GIPC3: variants seen among roughly 807,000 people sequenced by gnomAD.
The protein encoded by GIPC3 is PDZ domain-containing protein GIPC3.
Under a neutral mutation model 27.3 loss-of-function variants are expected in GIPC3, and 16 were observed. That is an observed-to-expected ratio of 0.59 (90% confidence interval 0.40 to 0.89). GIPC3 has a LOEUF of 0.89. Among genes scored for constraint, GIPC3 ranks in the 40% least tolerant of loss-of-function variants. GIPC3 has a pLI of 0.00. For synonymous variants in GIPC3, 194 were observed against 184.6 expected (o/e 1.05, Z -0.41); for missense variants, 440 against 442.1 (o/e 1.00, Z 0.04).
chr19:3,586,010 C>T (rs373725330), intron 1 of GIPC3, among the ~76,000 whole-genome samples, 188 bp downstream of exon 1: 50 of 152,186 alleles, frequency 3.3e-4, no homozygotes, highest in African/African-American at 1.1e-3. Context: ...CCCCTTTGCA[C>T]GCTCTGCGCA....
intron 2 of GIPC3, 31 bp from the exon 3 acceptor site, chr19:3,586,783 T>G (rs887498875): frequency 6.2e-7 from 1 of 1,610,944 alleles, no homozygotes; most frequent in South Asian, 1.1e-5. Context: ...GTGGCTGGGG[T>G]TGCCCTGCCA....
intron 2 of GIPC3, 51 bp downstream of exon 2, chr19:3,586,731 C>T: frequency 6.2e-7 from 1 of 1,610,084 alleles, no homozygotes; most frequent in Non-Finnish European, 8.5e-7. Context: ...GCAACTGCCC[C>T]CCCCACTCTG....
At chr19:3,588,721 C>T (rs975421074) in intron 3 of GIPC3, among the ~76,000 whole-genome samples, 6 of 150,974 alleles carry the variant, frequency 4.0e-5, no homozygotes, top group Non-Finnish European at 8.8e-5. Flanking sequence ...AAGGCGGGTG[C>T]ATCACGAGGT....
At chr19:3,587,745 C>CA (rs1043774992) in intron 3 of GIPC3, among the ~76,000 whole-genome samples, 1 of 127,494 alleles carries the variant, frequency 7.8e-6, no homozygotes, top group African/African-American at 2.9e-5. Flanking sequence ...GACTGCAGTG[C>CA]AGTGGCTAGA....
chr19:3,588,640 C>CAAAAAAAAAAA (rs969668918), intron 3 of GIPC3, among the ~76,000 whole-genome samples: 1 of 73,992 alleles, frequency 1.4e-5, no homozygotes, highest in African/African-American at 4.6e-5. Flanking sequence ...TCCATCGTAT[C>CAAAAAAAAAAA]AAAAAAAAAA....
Position 3,590,624 on chromosome 19 carries a change from GCCC to G in GIPC3, c.*435_*437del, listed in dbSNP as rs1267780307. ...GAACTCAGATGGGCTCTGAGACCAT[GCCC>G]AGCTCTAGAACTCAGATGGGCTCTG... On this transcript the variant is annotated 3_prime_UTR_variant, in exon 6 of 6. Transcript: ENST00000644452. 7,786 of 1,274,024 alleles carry G rather than the reference GCCC, an allele frequency of 6.1e-3. 139 individuals are homozygous for G. Among genetic ancestry groups the G allele is most frequent in the Admixed American group, 0.01 (271 of 26,868 alleles). The allele number at this position is 1,274,024 out of a possible 1,614,324, so 78.9% of individuals were successfully genotyped here.
Position 3,592,173 on chromosome 19 carries a change from T to C in GIPC3, c.*1983T>C, listed in dbSNP as rs8105780. 775,868 of 1,231,906 alleles carry C rather than the reference T, an allele frequency of 0.63. 250,747 individuals carry two copies. Among genetic ancestry groups the C allele is most frequent in the African/African-American group, 0.87 (55,957 of 64,470 alleles). The allele number at this position is 1,231,906 out of a possible 1,614,324, so 76.3% of individuals were successfully genotyped here. ...AGCCCTGTCTAGTTCCGACAGCAGG[T>C]CCAGCTCCAGGACCCAGCGCTGCCC... On this transcript the variant is annotated 3_prime_UTR_variant, in exon 6 of 6. Transcript: ENST00000644452.
rs773052902 is a variant in GIPC3, at chr19:3,589,555, G to T, written c.705G>T (p.Ala235=). Residue 235 remains alanine, a splice_region_variant and synonymous_variant, in exon 4 of 6, where the codon GCG becomes GCT. Transcript: ENST00000644452. The part of the protein sequence containing the change: ...RSGGAATVEE[A]PSEFEEEASR... ...GGGGGGCTGCCACAGTGGAGGAAGC[G>T]GTGAGTGAAGGGGAGGGGCTCTCCC... 2 of 1,609,498 alleles carry T rather than the reference G, an allele frequency of 1.2e-6. No homozygotes were observed. Among genetic ancestry groups the T allele is most frequent in the Non-Finnish European group, 1.7e-6 (2 of 1,175,984 alleles).
chr19:3,587,839 C>T (rs1184526983), intron 3 of GIPC3, among the ~76,000 whole-genome samples: 12 of 148,258 alleles, frequency 8.1e-5, no homozygotes, highest in African/African-American at 2.5e-4. Context: ...TACAGGCGCC[C>T]GCCACCACAC....
At position 3,593,128 on chromosome 19, in the gene GIPC3, G is replaced by A; in HGVS notation, c.*2938G>A. On this transcript the variant is annotated 3_prime_UTR_variant, in exon 6 of 6. Coordinates refer to ENST00000644452, the MANE Select transcript of GIPC3 (RefSeq NM_133261.3). The stretch of plus-strand genomic sequence containing the variant: ...GCCGTCTCTCCCAAGCCCCGGGTGG[G>A]ACCCCAGAAGTCCACCCCACCCACC... The A allele has an allele frequency of 8.1e-7, 1 of 1,232,244 alleles. No individual in the cohort carries two copies. Among genetic ancestry groups the A allele is most frequent in the East Asian group, 3.2e-5 (1 of 31,706 alleles). The allele number at this position is 1,232,244 out of a possible 1,614,324, so 76.3% of individuals were successfully genotyped here. A position where few individuals can be genotyped will look rare whatever the true frequency, so the allele number is the denominator to read the frequency against.
rs1269752630 is a variant in GIPC3, at chr19:3,592,449, T to C, written c.*2259T>C. On this transcript the variant is annotated 3_prime_UTR_variant, in exon 6 of 6. Transcript: ENST00000644452. ...GCTGATTTCCGGAGCCCAACCCAGC[T>C]CCAGAACTCAGACTAGTTCTGGAAA... The C allele has an allele frequency of 1.6e-6, 2 of 1,231,800 alleles. No individual in the cohort carries two copies. The highest frequency in any genetic ancestry group is 2.0e-6 in the Non-Finnish European group (2 of 987,950). The allele number at this position is 1,231,800 out of a possible 1,614,324, so 76.3% of individuals were successfully genotyped here. A position where few individuals can be genotyped will look rare whatever the true frequency, so the allele number is the denominator to read the frequency against.
At position 3,593,165 on chromosome 19, in the gene GIPC3, TC is replaced by T; in HGVS notation, c.*2977del. Reference sequence around the variant, plus strand: ...CCACCCCACCCACCATATCTGTCACTCCTAGTCCTGCCCCTAGGGCAGCCCT... The same window carrying T: ...CCACCCCACCCACCATATCTGTCACTCTAGTCCTGCCCCTAGGGCAGCCCT... On this transcript the variant is annotated 3_prime_UTR_variant, in exon 6 of 6. Coordinates refer to ENST00000644452, the MANE Select transcript of GIPC3 (RefSeq NM_133261.3). 2 of 1,232,266 alleles carry T rather than the reference TC, an allele frequency of 1.6e-6. No homozygotes were observed. The highest frequency in any genetic ancestry group is 2.0e-6 in the Non-Finnish European group (2 of 988,126). 76.3% of individuals were successfully genotyped at this position (1,232,266 alleles called of 1,614,324 possible).
intron 1 of GIPC3, 104 bp from the exon 2 acceptor site, chr19:3,586,391 G>A: frequency 9.6e-7 from 1 of 1,039,928 alleles, no homozygotes; most frequent in Non-Finnish European, 1.4e-6. Context: ...CCTTTCCCAT[G>A]GGCTGGGATC....
chr19:3,593,283 C>G lies in GIPC3; in HGVS notation c.*3093C>G, dbSNP rs952242405. 15 of 1,232,268 alleles carry G rather than the reference C, an allele frequency of 1.2e-5. No individual in the cohort carries two copies. The South Asian group carries it at 4.1e-4, about 34-fold the overall frequency. 76.3% of individuals were successfully genotyped at this position (1,232,268 alleles called of 1,614,324 possible). ...AGGAGCCCGCCCTTACCGCGGGGGG[C>G]CGTAGCTTGGCTGTGACTTAGCCCT... On this transcript the variant is annotated 3_prime_UTR_variant, in exon 6 of 6. Transcript: ENST00000644452.
chr19:3,592,868 G>C lies in GIPC3; in HGVS notation c.*2678G>C. ...GCCCTGGAAATGGAATCTGCCCACAGACCCCTGGCCTTGACCCTAGAATCC... is the reference window on the plus strand; with the variant it reads ...GCCCTGGAAATGGAATCTGCCCACACACCCCTGGCCTTGACCCTAGAATCC... On this transcript the variant is annotated 3_prime_UTR_variant, in exon 6 of 6. Coordinates refer to ENST00000644452, the MANE Select transcript of GIPC3 (RefSeq NM_133261.3). 2.4e-6 allele frequency: 3 copies of C among 1,232,104 alleles called. No individual in the cohort carries two copies. Among genetic ancestry groups the C allele is most frequent in the Non-Finnish European group, 3.0e-6 (3 of 988,060 alleles). The allele number at this position is 1,232,104 out of a possible 1,614,324, so 76.3% of individuals were successfully genotyped here. A position where few individuals can be genotyped will look rare whatever the true frequency, so the allele number is the denominator to read the frequency against.
intron 3 of GIPC3, among the ~76,000 whole-genome samples, chr19:3,589,166 A>G (rs1184082493): frequency 6.6e-6 from 1 of 152,108 alleles, no homozygotes; most frequent in Non-Finnish European, 1.5e-5. Flanking sequence ...TCCCTTCTAG[A>G]GAAAGTCGCT....
intron 4 of GIPC3, 42 bp downstream of exon 4, chr19:3,589,597 C>T (rs751207248): frequency 8.0e-6 from 12 of 1,503,302 alleles, no homozygotes; most frequent in South Asian, 1.1e-5. Context: ...TCTGCACCTT[C>T]AGCTCCTCCA....
Position 3,589,493 on chromosome 19 carries a change from G to A in GIPC3, c.643G>A (p.Val215Met). Reference sequence around the variant, plus strand: ...CAGCAAATGTCCAGTAGAGGCGAAAGTGACCAGCGGGAGGGAGACCCTGCG... The same window carrying A: ...CAGCAAATGTCCAGTAGAGGCGAAAATGACCAGCGGGAGGGAGACCCTGCG... ...RSSKCPVEAK[V>M]TSGRETLRLR... Residue 215 changes from valine (V) to methionine (M), a missense_variant, in exon 4 of 6, where the codon GTG (valine) becomes ATG (methionine). Transcript: ENST00000644452. The A allele has an allele frequency of 1.2e-6, 2 of 1,614,104 alleles. No homozygotes were observed. Among genetic ancestry groups the A allele is most frequent in the Non-Finnish European group, 1.7e-6 (2 of 1,180,036 alleles).
chr19:3,588,459 G>A (rs925357712), intron 3 of GIPC3, among the ~76,000 whole-genome samples: 1 of 152,080 alleles, frequency 6.6e-6, no homozygotes, highest in African/African-American at 2.4e-5. Flanking sequence ...CACACATGGA[G>A]AGACGTCCCA....
Sources: gnomAD v4.1 joint callset for allele counts (sites outside exome capture counted in the v4.1 genomes callset) on GRCh38, gnomAD v4.1.1 for gene constraint, MANE v1.5 for transcripts, NCBI Gene and HGNC (gene_info 2026-07-23, HGNC 2026-07-21) for gene names.